The following CAMK1D variants were observed in gnomAD, a reference collection of about 807,000 sequenced individuals.
CAMK1D encodes calcium/calmodulin dependent protein kinase ID.
In CAMK1D, 9 loss-of-function variants were observed where a neutral mutation model predicts 47.7. That is an observed-to-expected ratio of 0.19 (90% CI 0.11 to 0.33). The LOEUF is 0.33. Ranked by LOEUF, CAMK1D falls within the 10% of genes least tolerant of loss-of-function variation. The pLI is 1.00. For synonymous variants in CAMK1D, 184 were observed against 184.9 expected (o/e 0.99, Z 0.04); for missense variants, 291 against 488.7 (o/e 0.60, Z 3.81).
At chr10:12,566,298 T>TAA in intron 2 of CAMK1D, among the ~76,000 whole-genome samples, 1 of 152,158 alleles carries the variant, frequency 6.6e-6, no homozygotes, top group Non-Finnish European at 1.5e-5. Flanking sequence ...TAAGGCTCCC[T>TAA]GTTGAAGCCT....
At chr10:12,549,548 T>A (rs1474368449) in intron 1 of CAMK1D, among the ~76,000 whole-genome samples, 1 of 152,234 alleles carries the variant, frequency 6.6e-6, no homozygotes, top group Non-Finnish European at 1.5e-5. Flanking sequence ...TGCTTTCACT[T>A]CTGGGTATAG....
intron 8 of CAMK1D, among the ~76,000 whole-genome samples, chr10:12,823,405 A>G (rs1297076411): frequency 6.6e-6 from 1 of 152,138 alleles, no homozygotes; most frequent in African/African-American, 2.4e-5. Context: ...AGCCCAGGAA[A>G]GACTGGGAGC....
At chr10:12,778,494 T>C (rs916784624) in intron 5 of CAMK1D, among the ~76,000 whole-genome samples, 3 of 152,222 alleles carry the variant, frequency 2.0e-5, no homozygotes, top group African/African-American at 4.8e-5. Flanking sequence ...GGGCTGGCTC[T>C]GCTAACACCA....
intron 3 of CAMK1D, among the ~76,000 whole-genome samples, chr10:12,700,095 C>T (rs567679141): frequency 1.1e-4 from 16 of 152,232 alleles, no homozygotes; most frequent in Admixed American, 3.3e-4. Flanking sequence ...CATTTAGCAT[C>T]GAGTTCACAG....
In CAMK1D at chr10:12,718,814, A is replaced by G. The variant is rs536855253; in HGVS notation, c.300-42134A>G. 5.3e-5 allele frequency among the ~76,000 whole-genome samples: 8 copies of G among 151,690 alleles called. No individual in the cohort carries two copies. In the South Asian group the frequency reaches 1.7e-3, roughly 32 times the overall value. ...TTCTTTCTTTTTCTCTCTACTAACC[A>G]TTTTCTACTGAGCACACCGTACCTT... On this transcript the variant is annotated intron_variant, in intron 3 of 10. Transcript: ENST00000619168.
chr10:12,535,777 G>T (rs1366788109), intron 1 of CAMK1D, among the ~76,000 whole-genome samples: 5 of 152,132 alleles, frequency 3.3e-5, no homozygotes, highest in Admixed American at 6.5e-5. Context: ...TTGTGGTAGG[G>T]TCTGTTGCCT....
chr10:12,521,202 T>C (rs890900637), intron 1 of CAMK1D, among the ~76,000 whole-genome samples: 7 of 152,186 alleles, frequency 4.6e-5, no homozygotes, highest in Non-Finnish European at 8.8e-5. Context: ...TTTCTTGAAG[T>C]GAAATGTTAT....
chr10:12,749,482 T>C (rs939199042), intron 3 of CAMK1D, among the ~76,000 whole-genome samples: 4 of 147,522 alleles, frequency 2.7e-5, no homozygotes, highest in African/African-American at 9.9e-5. Flanking sequence ...ATTGTAAGAA[T>C]GGCTTTTGTC....
chr10:12,792,978 AC>A (rs1373712662), intron 6 of CAMK1D, among the ~76,000 whole-genome samples: 58 of 148,094 alleles, frequency 3.9e-4, no homozygotes, highest in African/African-American at 1.4e-3. Flanking sequence ...ACACACACAC[AC>A]ACACGCACGC....
At position 12,825,663 on chromosome 10, in the gene CAMK1D, A is replaced by G. The variant is rs753775858; in HGVS notation, c.1012A>G (p.Ser338Gly). Residue 338 changes from serine (S) to glycine (G), a missense_variant, in exon 10 of 11, where the codon AGC becomes GGC. Ser to Gly is a moderately conservative substitution (Grantham distance 56). Coordinates refer to ENST00000619168, the MANE Select transcript of CAMK1D (RefSeq NM_153498.4). ...CAGTTCAAATGCAAGTGTTTCGAGC[A>G]GCCTCAGTTTGGCCAGCCAAAAAGA... is the stretch of plus-strand genomic sequence containing the variant. ...LDSSNASVSSSLSLASQKDCL... is the reference protein window; with the variant it reads ...LDSSNASVSSGLSLASQKDCL... 1 of 1,614,266 alleles carries G rather than the reference A, an allele frequency of 6.2e-7. No individual in the cohort carries two copies. The highest frequency in any genetic ancestry group is 8.5e-7 in the Non-Finnish European group (1 of 1,180,054).
At chr10:12,827,354 CT>C (rs1331515741) in intron 10 of CAMK1D, among the ~76,000 whole-genome samples, 33 of 67,220 alleles carry the variant, frequency 4.9e-4, no homozygotes, top group African/African-American at 1.7e-3. Flanking sequence ...TTCCTTCTTC[CT>C]TTCTTTCTTT....
intron 3 of CAMK1D, among the ~76,000 whole-genome samples, chr10:12,680,587 G>T (rs963506164): frequency 1.3e-4 from 20 of 152,152 alleles, no homozygotes; most frequent in Non-Finnish European, 2.2e-4. Context: ...ATCCTTGGAG[G>T]TTTATGAATA....
At chr10:12,499,020 T>A (rs1045732513) in intron 1 of CAMK1D, among the ~76,000 whole-genome samples, 9 of 151,922 alleles carry the variant, frequency 5.9e-5, no homozygotes, top group Admixed American at 5.9e-4. Flanking sequence ...TGCAAATGCC[T>A]TCCCCTGGGT....
chr10:12,820,551 C>T (rs1176252379), intron 8 of CAMK1D, among the ~76,000 whole-genome samples: 1 of 152,210 alleles, frequency 6.6e-6, no homozygotes, highest in Non-Finnish European at 1.5e-5. Flanking sequence ...ATTCTGGAAG[C>T]TGTGGTCTCC....
intron 2 of CAMK1D, among the ~76,000 whole-genome samples, chr10:12,587,425 A>G (rs1226066707): frequency 6.6e-6 from 1 of 152,110 alleles, no homozygotes; most frequent in Non-Finnish European, 1.5e-5. Flanking sequence ...TGATGGATCC[A>G]CAGTGACTTA....
intron 1 of CAMK1D, among the ~76,000 whole-genome samples, chr10:12,481,698 C>T (rs2724809): frequency 0.56 from 84,689 of 151,928 alleles, 23,710 homozygotes; most frequent in Admixed American, 0.58. Context: ...TTAGTAGAGA[C>T]GGGGTTTCAC....
At chr10:12,793,419 G>C (rs1838067118) in intron 6 of CAMK1D, among the ~76,000 whole-genome samples, 1 of 152,218 alleles carries the variant, frequency 6.6e-6, no homozygotes, top group African/African-American at 2.4e-5. Context: ...CTTGTTGACA[G>C]ATGCTGCCAG....
chr10:12,613,108 C>A (rs1279354334), intron 2 of CAMK1D, among the ~76,000 whole-genome samples: 2 of 152,148 alleles, frequency 1.3e-5, no homozygotes, highest in Non-Finnish European at 2.9e-5. Context: ...CTAATTAACT[C>A]CAGTCTTGTC....
At chr10:12,581,248 A>G (rs1837654630) in intron 2 of CAMK1D, among the ~76,000 whole-genome samples, 1 of 152,168 alleles carries the variant, frequency 6.6e-6, no homozygotes, top group Admixed American at 6.5e-5. Flanking sequence ...GTAGTATTCC[A>G]TGGTATATAT....
Sources: gnomAD v4.1 joint callset for allele counts (sites outside exome capture counted in the v4.1 genomes callset) on GRCh38, gnomAD v4.1.1 for gene constraint, MANE v1.5 for transcripts, NCBI Gene and HGNC (gene_info 2026-07-23, HGNC 2026-07-21) for gene names.